The following LMLN variants were observed in gnomAD, a reference collection of about 807,000 sequenced individuals.
LMLN encodes leishmanolysin-like peptidase.
LMLN carries 70 observed loss-of-function variants against 92.3 expected under a neutral mutation model. That is an observed-to-expected ratio of 0.76 (90% CI 0.63 to 0.92). LMLN has a LOEUF of 0.92. LMLN is among the 40% of genes least tolerant of loss of function. LMLN has a pLI of 0.00. For synonymous variants in LMLN, 308 were observed against 296.2 expected (o/e 1.04, Z -0.41); for missense variants, 691 against 814.6 (o/e 0.85, Z 1.85).
intron 6 of LMLN, among the ~76,000 whole-genome samples, chr3:197,983,090 T>C (rs1721603438): frequency 6.6e-6 from 1 of 152,248 alleles, no homozygotes; most frequent in Non-Finnish European, 1.5e-5. Flanking sequence ...AAAAGAATTG[T>C]ATTCATACTT....
At chr3:197,985,847 C>T (rs1286657613) in exon 8 of LMLN, 3 of 1,613,808 alleles carry the variant, frequency 1.9e-6, no homozygotes, top group South Asian at 2.2e-5. Flanking sequence ...TGGAAATCCT[C>T]TCACTTCAAG....
intron 9 of LMLN, among the ~76,000 whole-genome samples, chr3:197,992,490 G>A (rs140284274): frequency 1.5e-3 from 235 of 152,270 alleles, no homozygotes; most frequent in African/African-American, 5.3e-3. Flanking sequence ...AAAGGATCAT[G>A]AGAGACTGTT....
chr3:197,980,598 A>G, intron 6 of LMLN, 94 bp downstream of exon 6: 1 of 1,245,772 alleles, frequency 8.0e-7, no homozygotes, highest in East Asian at 2.3e-5. Flanking sequence ...GGAATCTTGC[A>G]TTTGCCAGAT....
intron 14 of LMLN, among the ~76,000 whole-genome samples, chr3:198,032,871 T>A (rs1723114959): frequency 6.6e-6 from 1 of 152,198 alleles, no homozygotes; most frequent in Non-Finnish European, 1.5e-5. Context: ...CTGGTCGCAG[T>A]GAGGGAGAGG....
At chr3:198,023,753 A>C (rs1299584693) in intron 13 of LMLN, among the ~76,000 whole-genome samples, 1 of 152,186 alleles carries the variant, frequency 6.6e-6, no homozygotes, top group Non-Finnish European at 1.5e-5. Context: ...TGTCCATTAG[A>C]GGCCTTTCAT....
intron 11 of LMLN, among the ~76,000 whole-genome samples, chr3:198,013,942 C>G (rs1332922120): frequency 1.4e-4 from 16 of 118,036 alleles, no homozygotes; most frequent in South Asian, 2.7e-4. Context: ...TGACTTCTCT[C>G]CACCCCTCAG....
intron 1 of LMLN, among the ~76,000 whole-genome samples, chr3:197,970,133 TAGAG>T (rs1406851510): frequency 2.0e-5 from 3 of 152,018 alleles, no homozygotes; most frequent in South Asian, 4.2e-4. Context: ...GCCTGGGCAA[TAGAG>T]AGAGACTGTC....
chr3:198,007,866 AT>A (rs1297490560), intron 11 of LMLN, among the ~76,000 whole-genome samples: 1 of 152,192 alleles, frequency 6.6e-6, no homozygotes, highest in Non-Finnish European at 1.5e-5. Context: ...TTAGCTGCAG[AT>A]TTTTTATACA....
intron 11 of LMLN, chr3:198,003,112 C>G (rs1722220159): frequency 3.9e-6 from 6 of 1,542,140 alleles, no homozygotes; most frequent in Non-Finnish European, 5.3e-6. Flanking sequence ...CTGGATTGAT[C>G]AGCAGAGACA....
In LMLN at chr3:198,034,590, A is replaced by G. The variant is rs572944325; in HGVS notation, c.1657-1243A>G. On this transcript the variant is annotated intron_variant, in intron 14 of 15. Coordinates refer to ENST00000330198, the Ensembl canonical transcript of LMLN. ...CATGCCACTGCACTCCAGCCTGGGC[A>G]ACAGAGTGAGACTTGGTCTAAAAAA... Among the ~76,000 whole-genome samples, 266 of 152,302 alleles carry G rather than the reference A, an allele frequency of 1.7e-3. 2 individuals carry two copies. The highest frequency in any genetic ancestry group is 1.8e-3 in the Non-Finnish European group (125 of 68,030).
intron 11 of LMLN, among the ~76,000 whole-genome samples, chr3:198,011,963 T>C (rs1390227291): frequency 6.6e-6 from 1 of 152,196 alleles, no homozygotes; most frequent in Non-Finnish European, 1.5e-5. Context: ...AGAAAATTTT[T>C]GCAATCTACT....
intron 11 of LMLN, among the ~76,000 whole-genome samples, chr3:198,006,770 T>C (rs1722305228): frequency 6.6e-6 from 1 of 152,062 alleles, no homozygotes; most frequent in Non-Finnish European, 1.5e-5. Context: ...TGGAGTGCAG[T>C]GGCGCGATCT....
chr3:198,036,110 T>C, intron 15 of LMLN, 67 bp downstream of exon 16: 1 of 1,410,976 alleles, frequency 7.1e-7, no homozygotes, highest in Non-Finnish European at 1.0e-6. Flanking sequence ...TTATAAAATG[T>C]TGGCATTTCC....
chr3:198,008,834 CT>C lies in LMLN; in HGVS notation c.1232+9494del, dbSNP rs146813766. 8.7e-4 allele frequency among the ~76,000 whole-genome samples: 132 copies of C among 152,228 alleles called. 2 individuals are homozygous for C. Among genetic ancestry groups the C allele is most frequent in the East Asian group, 7.7e-3 (40 of 5,190 alleles). On this transcript the variant is annotated intron_variant, in intron 11 of 15. Transcript: ENST00000330198. ...TATTTTTCTCTTTTAATTCAAAACT[CT>C]TGTGTCACTTTGAGTTCAAAATATT...
intron 5 of LMLN, among the ~76,000 whole-genome samples, chr3:197,978,839 A>C (rs1721476220): frequency 6.6e-6 from 1 of 151,904 alleles, no homozygotes; most frequent in African/African-American, 2.4e-5. Flanking sequence ...AAAGATACAA[A>C]AGTTAGCTGG....
exon 16 of LMLN, chr3:198,041,008 C>T (rs1416731531): frequency 6.6e-6 from 1 of 152,570 alleles, no homozygotes; most frequent in East Asian, 1.9e-4. Flanking sequence ...CTTTCCTCGT[C>T]CTTCCCTGCT....
chr3:198,010,693 G>A (rs1395502762), intron 11 of LMLN, among the ~76,000 whole-genome samples: 2 of 149,990 alleles, frequency 1.3e-5, no homozygotes, highest in Non-Finnish European at 3.0e-5. Flanking sequence ...TCTAGCAATC[G>A]GCCCACCTCG....
exon 14 of LMLN, chr3:198,024,752 G>A (rs1335549739): frequency 6.2e-7 from 1 of 1,611,410 alleles, no homozygotes; most frequent in Non-Finnish European, 8.5e-7. Context: ...GTGAGAGGAA[G>A]CTGAGTTACC....
At chr3:197,988,560 C>T (rs895283319) in intron 8 of LMLN, among the ~76,000 whole-genome samples, 1 of 137,172 alleles carries the variant, frequency 7.3e-6, no homozygotes, top group Admixed American at 8.0e-5. Context: ...CAATCATGAT[C>T]ACGGCTTACT....
Sources: allele counts gnomAD v4.1 joint callset (sites outside exome capture counted in the v4.1 genomes callset), GRCh38; gene constraint gnomAD v4.1.1; transcripts MANE v1.5; gene names NCBI Gene and HGNC (gene_info 2026-07-23, HGNC 2026-07-21).